The following GRM5 variants were observed in gnomAD, a reference collection of about 807,000 sequenced individuals.
GRM5 encodes the protein glutamate metabotropic receptor 5.
In GRM5, 19 loss-of-function variants were observed where a neutral mutation model predicts 83.1. That is an observed-to-expected ratio of 0.23 (90% confidence interval 0.16 to 0.34). The LOEUF is 0.34. GRM5 is among the 10% of genes least tolerant of loss of function. GRM5 has a pLI of 1.00. For missense variants in GRM5, 1,160 were observed against 1,588.3 expected (o/e 0.73, Z 4.58); for synonymous variants, 675 against 633.6 (o/e 1.07, Z -0.98).
intron 3 of GRM5, among the ~76,000 whole-genome samples, chr11:88,681,565 C>CTTTTTTT (rs796854617): frequency 0.012 from 295 of 25,414 alleles, 76 homozygotes; most frequent in Non-Finnish European, 0.012. Flanking sequence ...TGAGTTCTTC[C>CTTTTTTT]TTTTTTTTTT....
chr11:89,058,158 T>A (rs1941915660), intron 1 of GRM5, among the ~76,000 whole-genome samples: 1 of 152,220 alleles, frequency 6.6e-6, no homozygotes, highest in Admixed American at 6.5e-5. Context: ...TGCTTTCCAT[T>A]AAATTCTTAT....
At chr11:88,555,347 C>T (rs920344484) in intron 8 of GRM5, among the ~76,000 whole-genome samples, 2 of 152,088 alleles carry the variant, frequency 1.3e-5, no homozygotes, top group African/African-American at 4.8e-5. Flanking sequence ...AGTCTTACCC[C>T]ATAAAATAGT....
chr11:89,060,658 T>A (rs1436735649), intron 1 of GRM5, among the ~76,000 whole-genome samples: 1 of 152,104 alleles, frequency 6.6e-6, no homozygotes, highest in Non-Finnish European at 1.5e-5. Context: ...AAAAGTTATA[T>A]ATAGTTAAAA....
At chr11:88,917,834 T>A (rs1945620151) in intron 2 of GRM5, among the ~76,000 whole-genome samples, 1 of 151,856 alleles carries the variant, frequency 6.6e-6, no homozygotes, top group African/African-American at 2.4e-5. Flanking sequence ...ACAAGATTTA[T>A]AAAATAGCAT....
intron 3 of GRM5, among the ~76,000 whole-genome samples, chr11:88,687,537 T>TACACAC (rs1343240081): frequency 3.9e-5 from 2 of 51,092 alleles, no homozygotes; most frequent in African/African-American, 8.6e-5. Context: ...TACATATATA[T>TACACAC]ACACACACAC....
intron 4 of GRM5, among the ~76,000 whole-genome samples, chr11:88,639,321 C>T (rs573669970): frequency 2.6e-5 from 4 of 152,276 alleles, no homozygotes; most frequent in African/African-American, 9.6e-5. Context: ...CTGTGCTCTA[C>T]AAACTCTAGC....
intron 3 of GRM5, among the ~76,000 whole-genome samples, chr11:88,672,756 G>A (rs558658011): frequency 1.1e-4 from 17 of 152,006 alleles, no homozygotes; most frequent in African/African-American, 4.1e-4. Flanking sequence ...CAGCAATAAT[G>A]TTATAAAAAG....
intron 3 of GRM5, among the ~76,000 whole-genome samples, chr11:88,821,415 A>G (rs2135509735): frequency 6.6e-6 from 1 of 151,574 alleles, no homozygotes; most frequent in South Asian, 2.1e-4. Context: ...AGGAAGGGTC[A>G]TAGTTCCAAA....
rs1937835864 is a variant in GRM5 at position 88,597,244 on chromosome 11, G to A, written c.1503C>T (p.Ser501=). The A allele has an allele frequency of 3.7e-6, 6 of 1,608,468 alleles. 1 individual carries two copies. The South Asian group carries it at 6.6e-5, about 18-fold the overall frequency. The change falls in exon 6 of 10, where the codon TCC becomes TCT. Residue 501 remains serine, a synonymous_variant. Transcript: ENST00000305447. ...ELKMDDDEVW[S]KKSNIIRSVC... is the part of the protein sequence containing the mutation. ...CAGATCTGATGATGTTGCTTTTCTT[G>A]GACCATACTTCATCATCATCCATTT...
chr11:88,864,279 A>G (rs1346638594), intron 2 of GRM5, among the ~76,000 whole-genome samples: 1 of 151,618 alleles, frequency 6.6e-6, no homozygotes, highest in Non-Finnish European at 1.5e-5. Flanking sequence ...TTCTGAAGGC[A>G]GGTAACATGA....
At chr11:88,991,170 G>T (rs369629040) in intron 2 of GRM5, among the ~76,000 whole-genome samples, 1 of 151,910 alleles carries the variant, frequency 6.6e-6, no homozygotes, top group South Asian at 2.1e-4. Flanking sequence ...CAAAGTCTCA[G>T]GATACAAAAT....
rs370130045 is a variant in GRM5, at chr11:88,826,684, A to G, written c.911+23222T>C. 1.5e-3 allele frequency among the ~76,000 whole-genome samples: 224 copies of G among 152,300 alleles called. 8 individuals are homozygous for G. The South Asian group carries it at 0.046, about 31-fold the overall frequency. ...ATAAAAAGCATTTTGTAATCTTTAA[A>G]GCACTAAATAAATATAAGGAATTAG... On this transcript the variant is annotated intron_variant, in intron 3 of 9. Transcript: ENST00000305447.
intron 2 of GRM5, among the ~76,000 whole-genome samples, chr11:88,986,969 A>G (rs916397139): frequency 2.0e-5 from 3 of 151,740 alleles, no homozygotes; most frequent in African/African-American, 7.3e-5. Flanking sequence ...GGGTGGATCA[A>G]GAGGTCAGAT....
At position 88,782,380 on chromosome 11, in the gene GRM5, G is replaced by A. The variant is rs560894932; in HGVS notation, c.911+67526C>T. ...ACATCTTACATGGGTGACAGCAGGC[G>A]AAAAGAGAGCTTGTGCAGGGAAACT... On this transcript the variant is annotated intron_variant, in intron 3 of 9. Transcript: ENST00000305447. 3.9e-4 allele frequency among the ~76,000 whole-genome samples: 60 copies of A among 152,226 alleles called. No homozygotes were observed. In the South Asian group the frequency reaches 8.9e-3, roughly 23 times the overall value.
intron 2 of GRM5, among the ~76,000 whole-genome samples, chr11:88,912,331 C>T (rs12273456): frequency 0.029 from 4,407 of 151,594 alleles, 210 homozygotes; most frequent in African/African-American, 0.1. Flanking sequence ...CTGACTTATC[C>T]TAAGGAACTT....
chr11:88,661,765 C>T (rs949122255), intron 3 of GRM5, among the ~76,000 whole-genome samples: 1 of 151,890 alleles, frequency 6.6e-6, no homozygotes, highest in Non-Finnish European at 1.5e-5. Context: ...CAGTATGTTG[C>T]CCAGGATGGA....
At chr11:88,543,618 T>C (rs1186603037) in intron 8 of GRM5, among the ~76,000 whole-genome samples, 2 of 147,054 alleles carry the variant, frequency 1.4e-5, no homozygotes, top group Admixed American at 6.8e-5. Flanking sequence ...CCAGGACCCA[T>C]ACCATCATGT....
At chr11:88,953,691 A>G (rs1248524013) in intron 2 of GRM5, among the ~76,000 whole-genome samples, 2 of 152,162 alleles carry the variant, frequency 1.3e-5, no homozygotes, top group African/African-American at 2.4e-5. Context: ...AACATTGCCT[A>G]TGTTGGATAC....
At chr11:88,859,067 G>GT (rs1221525434) in intron 2 of GRM5, among the ~76,000 whole-genome samples, 1 of 151,896 alleles carries the variant, frequency 6.6e-6, no homozygotes, top group African/African-American at 2.4e-5. Flanking sequence ...AAAAGAAACT[G>GT]TTTTTACACT....
Sources: allele counts gnomAD v4.1 joint callset (sites outside exome capture counted in the v4.1 genomes callset), GRCh38; gene constraint gnomAD v4.1.1; transcripts MANE v1.5; gene names NCBI Gene and HGNC (gene_info 2026-07-23, HGNC 2026-07-21).